The following PKDREJ variants were observed in gnomAD, a reference collection of about 807,000 sequenced individuals.
PKDREJ encodes polycystin family receptor for egg jelly.
For missense variants in PKDREJ, 2,507 were observed against 2,807.2 expected, an observed-to-expected ratio of 0.89 and a Z score of 2.42; for synonymous variants, 1,031 against 1,095.5, an observed-to-expected ratio of 0.94 and a Z score of 1.16.
Position 46,260,383 on chromosome 22 carries a change from C to G in PKDREJ, c.2940G>C (p.Lys980Asn). The G allele has an allele frequency of 6.2e-7, 1 of 1,614,206 alleles. No homozygotes were observed. Among genetic ancestry groups the G allele is most frequent in the Non-Finnish European group, 8.5e-7 (1 of 1,180,032 alleles). ...CTTGAAAGCTAAACCCACCTGTCGT[C>G]TTCTTCAAGGACCCATCAACCTCGC... is the stretch of plus-strand genomic sequence containing the variant. ...PNSEVDGSLK[K>N]TTGGFSFQVD... The change falls in exon 1 of 1, where the codon AAG (lysine) becomes AAC (asparagine). Residue 980 changes from lysine to asparagine, a missense_variant. Coordinates refer to ENST00000253255, the MANE Select transcript of PKDREJ (RefSeq NM_006071.2). The surrounding 1 kb of genome is among the most constrained non-coding windows in gnomAD (Gnocchi z 4.5).
rs757439950 is a variant in PKDREJ at position 46,258,508 on chromosome 22, G to A, written c.4815C>T (p.Asp1605=). 5 of 1,613,886 alleles carry A rather than the reference G, an allele frequency of 3.1e-6. No individual in the cohort carries two copies. The Admixed American group carries it at 8.3e-5, about 27-fold the overall frequency. The change falls in exon 1 of 1, where the codon GAC becomes GAT. Residue 1605 remains aspartate, a synonymous_variant. Transcript: ENST00000253255. This position sits in a 1 kb window ranked among gnomAD's most constrained non-coding sequence, Gnocchi z 6.1. Reference sequence around the variant, plus strand: ...ATGCAAAGAGCCATTCTATTGACTTGTCATAGCCGTAAGTCAGTCCATAAA... The same window carrying A: ...ATGCAAAGAGCCATTCTATTGACTTATCATAGCCGTAAGTCAGTCCATAAA... ...IVFYGLTYGY[D]KSIEWLFASF...
In PKDREJ at chr22:46,261,165, T is replaced by C. The variant is rs1936692187; in HGVS notation, c.2158A>G (p.Met720Val). 2.5e-6 allele frequency: 4 copies of C among 1,614,188 alleles called. No individual in the cohort carries two copies. The highest frequency in any genetic ancestry group is 3.4e-6 in the Non-Finnish European group (4 of 1,180,020). The change falls in exon 1 of 1, where the codon ATG becomes GTG. Residue 720 changes from methionine to valine, a missense_variant. Met to Val is a conservative substitution (Grantham distance 21, BLOSUM62 1). Coordinates refer to ENST00000253255, the MANE Select transcript of PKDREJ (RefSeq NM_006071.2). The surrounding 1 kb of genome is among the most constrained non-coding windows in gnomAD (Gnocchi z 7.1). Reference protein sequence around the residue: ...LYIVASVLNNMKTELPLRDDR... With the variant: ...LYIVASVLNNVKTELPLRDDR... ...TCTCGGAGAGGTAATTCAGTTTTCA[T>C]GTTATTCAAAACGGAAGCTACTATA...
At position 46,260,370 on chromosome 22, in the gene PKDREJ, A is replaced by C; in HGVS notation, c.2953T>G (p.Phe985Val). ...ACTGTGCTGTCCACTTGAAAGCTAA[A>C]CCCACCTGTCGTCTTCTTCAAGGAC... ...DGSLKKTTGGFSFQVDSTVLR... is the reference protein window; with the variant it reads ...DGSLKKTTGGVSFQVDSTVLR... The change falls in exon 1 of 1, where the codon TTT (phenylalanine) becomes GTT (valine). Residue 985 changes from phenylalanine (F) to valine (V), a missense_variant. By Grantham distance (50) the Phe-to-Val change is conservative (BLOSUM62 -1). Coordinates refer to ENST00000253255, the MANE Select transcript of PKDREJ (RefSeq NM_006071.2). The surrounding 1 kb of genome is among the most constrained non-coding windows in gnomAD (Gnocchi z 4.5). The C allele has an allele frequency of 6.2e-7, 1 of 1,614,152 alleles. No individual in the cohort carries two copies. The highest frequency in any genetic ancestry group is 1.1e-5 in the South Asian group (1 of 91,070).
At position 46,261,680 on chromosome 22, in the gene PKDREJ, G is replaced by A. The variant is rs982733660; in HGVS notation, c.1643C>T (p.Thr548Ile). 1.9e-6 allele frequency: 3 copies of A among 1,613,996 alleles called. No individual in the cohort carries two copies. Among genetic ancestry groups the A allele is most frequent in the Non-Finnish European group, 2.5e-6 (3 of 1,179,990 alleles). Residue 548 changes from threonine to isoleucine, a missense_variant, in exon 1 of 1, where the codon ACC becomes ATC. Thr to Ile is a moderately conservative substitution (Grantham distance 89). Coordinates refer to ENST00000253255, the MANE Select transcript of PKDREJ (RefSeq NM_006071.2). The surrounding 1 kb of genome is among the most constrained non-coding windows in gnomAD (Gnocchi z 7.1). ...SLYLACWSGVTSVFRHSFIIN... is the reference protein window; with the variant it reads ...SLYLACWSGVISVFRHSFIIN... ...AATAAAAGAATGCCTGAAGACCGAGGTCACTCCACTCCAACATGCTAGATA... is the reference window on the plus strand; with the variant it reads ...AATAAAAGAATGCCTGAAGACCGAGATCACTCCACTCCAACATGCTAGATA...
chr22:46,258,025 G>A lies in PKDREJ; in HGVS notation c.5298C>T (p.Ser1766=), dbSNP rs1276062460. Residue 1766 remains serine (S), a synonymous_variant, in exon 1 of 1, where the codon AGC becomes AGT. Coordinates refer to ENST00000253255, the MANE Select transcript of PKDREJ (RefSeq NM_006071.2). The surrounding 1 kb of genome is among the most constrained non-coding windows in gnomAD (Gnocchi z 6.1). ...KLEDIYRWLN[S]VLLPLLHNDL... ...CATTGTGTAACAAAGGCAACAGCAC[G>A]CTGTTTAGCCATCTATAGATGTCTT... is the stretch of plus-strand genomic sequence containing the variant. The A allele has an allele frequency of 3.1e-6, 5 of 1,613,964 alleles. No individual in the cohort carries two copies. The highest frequency in any genetic ancestry group is 2.2e-5 in the East Asian group (1 of 44,888).
In PKDREJ at chr22:46,261,585, A is replaced by C. The variant is rs1283044598; in HGVS notation, c.1738T>G (p.Phe580Val). The stretch of plus-strand genomic sequence containing the variant: ...CTAAAATTACTACACTGGACAACAA[A>C]TTTAGTAATAAGTGCAATTCCTTTA... ...PAKGIALITK[F>V]VVQCSNFRDK... The change falls in exon 1 of 1, where the codon TTT (phenylalanine) becomes GTT (valine). Residue 580 changes from phenylalanine (F) to valine (V), a missense_variant. Physicochemically the swap from Phe to Val is conservative, Grantham distance 50. Transcript: ENST00000253255. The surrounding 1 kb of genome is among the most constrained non-coding windows in gnomAD (Gnocchi z 7.1). 6.2e-7 allele frequency: 1 copy of C among 1,613,742 alleles called. No individual in the cohort carries two copies. Among genetic ancestry groups the C allele is most frequent in the Non-Finnish European group, 8.5e-7 (1 of 1,179,658 alleles).
chr22:46,260,828 T>C lies in PKDREJ; in HGVS notation c.2495A>G (p.Tyr832Cys), dbSNP rs1391182894. The C allele has an allele frequency of 6.2e-7, 1 of 1,614,122 alleles. No homozygotes were observed. Among genetic ancestry groups the C allele is most frequent in the East Asian group, 2.2e-5 (1 of 44,886 alleles). ...SPHQVVKDPF[Y>C]VIESLSDTIL... Reference sequence around the variant, plus strand: ...TGTGTCTGATAGAGATTCTATTACATAGAAAGGATCTTTAACTACTTGGTG... The same window carrying C: ...TGTGTCTGATAGAGATTCTATTACACAGAAAGGATCTTTAACTACTTGGTG... The change falls in exon 1 of 1, where the codon TAT becomes TGT. Residue 832 changes from tyrosine to cysteine, a missense_variant. Coordinates refer to ENST00000253255, the MANE Select transcript of PKDREJ (RefSeq NM_006071.2). This position sits in a 1 kb window ranked among gnomAD's most constrained non-coding sequence, Gnocchi z 4.5.
Position 46,263,182 on chromosome 22 carries a change from G to T in PKDREJ, c.141C>A (p.Gly47=), listed in dbSNP as rs1279027904. ...GGGCGCGGCCGCCGCGCACCCCGAG[G>T]CCCGGGGCGCCCCTGAGGAGGCCAC... ...APGGLLRGAP[G]LGVRGGRALL... Residue 47 remains glycine (G), a synonymous_variant, in exon 1 of 1, where the codon GGC becomes GGA. Transcript: ENST00000253255. The surrounding 1 kb of genome is among the most constrained non-coding windows in gnomAD (Gnocchi z 9.4). The T allele has an allele frequency of 2.3e-6, 3 of 1,299,086 alleles. No individual in the cohort carries two copies. In the Admixed American group the frequency reaches 1.3e-4, roughly 56 times the overall value. 80.5% of individuals were successfully genotyped at this position (1,299,086 alleles called of 1,614,324 possible). A position where few individuals can be genotyped will look rare whatever the true frequency, so the allele number is the denominator to read the frequency against.
rs536419484 is a variant in PKDREJ at position 46,259,320 on chromosome 22, C to A, written c.4003G>T (p.Val1335Phe). Reference sequence around the variant, plus strand: ...AATGTTCTGTCCAAAGTGGTATCAACAGAAAGCCATTTCTGGCATATGAAC... The same window carrying A: ...AATGTTCTGTCCAAAGTGGTATCAAAAGAAAGCCATTTCTGGCATATGAAC... The part of the protein sequence containing the change: ...WLFICQKWLS[V>F]DTTLDRTFHV... Residue 1335 changes from valine to phenylalanine, a missense_variant, in exon 1 of 1, where the codon GTT becomes TTT. Transcript: ENST00000253255. This position sits in a 1 kb window ranked among gnomAD's most constrained non-coding sequence, Gnocchi z 6.8. The A allele has an allele frequency of 2.5e-6, 4 of 1,614,210 alleles. No individual in the cohort carries two copies. In the African/African-American group the frequency reaches 5.3e-5, roughly 22 times the overall value.
chr22:46,258,634 C>A lies in PKDREJ; in HGVS notation c.4689G>T (p.Gln1563His). 1 of 1,614,184 alleles carries A rather than the reference C, an allele frequency of 6.2e-7. No individual in the cohort carries two copies. Among genetic ancestry groups the A allele is most frequent in the Non-Finnish European group, 8.5e-7 (1 of 1,180,042 alleles). ...EQHPSQKDLQ[Q>H]LKKKPRIVLP... ...GGACGATCCGGGGCTTTTTCTTAAGCTGCTGGAGATCCTTTTGGGAAGGGT... is the reference window on the plus strand; with the variant it reads ...GGACGATCCGGGGCTTTTTCTTAAGATGCTGGAGATCCTTTTGGGAAGGGT... The change falls in exon 1 of 1, where the codon CAG becomes CAT. Residue 1563 changes from glutamine (Q) to histidine (H), a missense_variant. By Grantham distance (24) the Gln-to-His change is conservative (BLOSUM62 0). Transcript: ENST00000253255. The surrounding 1 kb of genome is among the most constrained non-coding windows in gnomAD (Gnocchi z 6.1).
rs764067686 is a variant in PKDREJ, at chr22:46,257,895, C to T, written c.5428G>A (p.Glu1810Lys). The change falls in exon 1 of 1, where the codon GAA becomes AAA. Residue 1810 changes from glutamate (E) to lysine (K), a missense_variant. Physicochemically the swap from Glu to Lys is moderately conservative, Grantham distance 56 (BLOSUM62 1). Coordinates refer to ENST00000253255, the MANE Select transcript of PKDREJ (RefSeq NM_006071.2). This position sits in a 1 kb window ranked among gnomAD's most constrained non-coding sequence, Gnocchi z 4.7. ...CTGATGCTGTTTTGCACAAACTTTT[C>T]GGCAGGTAGACACATTTTTTCACTA... ...KSSEKMCLPA[E>K]KFVQNSIRRE... 131 of 1,613,936 alleles carry T rather than the reference C, an allele frequency of 8.1e-5. No homozygotes were observed. Among genetic ancestry groups the T allele is most frequent in the South Asian group, 1.4e-4 (13 of 91,054 alleles).
Position 46,257,638 on chromosome 22 carries a change from T to C in PKDREJ, c.5685A>G (p.Thr1895=), listed in dbSNP as rs374148677. 4.3e-6 allele frequency: 7 copies of C among 1,614,146 alleles called. No individual in the cohort carries two copies. The Admixed American group carries it at 1.2e-4, about 27-fold the overall frequency. Residue 1895 remains threonine (T), a synonymous_variant, in exon 1 of 1, where the codon ACA becomes ACG. Coordinates refer to ENST00000253255, the MANE Select transcript of PKDREJ (RefSeq NM_006071.2). The surrounding 1 kb of genome is among the most constrained non-coding windows in gnomAD (Gnocchi z 4.7). The stretch of plus-strand genomic sequence containing the variant: ...TTTCTTGAAGTTCTTTGAGCCTCAG[T>C]GTGGAATTAAACCGCTGCTGTTCTG... ...FFPEQQRFNS[T]LRLKELQESN...
Position 46,257,511 on chromosome 22 carries a change from A to G in PKDREJ, c.5812T>C (p.Ser1938Pro), listed in dbSNP as rs369636160. 46 of 1,614,022 alleles carry G rather than the reference A, an allele frequency of 2.9e-5. No individual in the cohort carries two copies. The highest frequency in any genetic ancestry group is 1.3e-4 in the Admixed American group (8 of 60,000). The change falls in exon 1 of 1, where the codon TCT (serine) becomes CCT (proline). Residue 1938 changes from serine (S) to proline (P), a missense_variant. Physicochemically the swap from Ser to Pro is moderately conservative, Grantham distance 74 (BLOSUM62 -1). Transcript: ENST00000253255. This position sits in a 1 kb window ranked among gnomAD's most constrained non-coding sequence, Gnocchi z 4.7. Reference protein sequence around the residue: ...FCSISVIFEVSQLGVVNTSIS... With the variant: ...FCSISVIFEVPQLGVVNTSIS... ...CTTGTGTTGACAACTCCTAACTGAG[A>G]GACTTCAAATATGACCGAAATGCTA...
In PKDREJ at chr22:46,261,688, A is replaced by C; in HGVS notation, c.1635T>G (p.Ser545Arg). Reference sequence around the variant, plus strand: ...AATGCCTGAAGACCGAGGTCACTCCACTCCAACATGCTAGATACAGAGAAA... The same window carrying C: ...AATGCCTGAAGACCGAGGTCACTCCCCTCCAACATGCTAGATACAGAGAAA... ...FSISLYLACW[S>R]GVTSVFRHSF... Residue 545 changes from serine to arginine, a missense_variant, in exon 1 of 1, where the codon AGT (serine) becomes AGG (arginine). Physicochemically the swap from Ser to Arg is moderately radical, Grantham distance 110. Transcript: ENST00000253255. The surrounding 1 kb of genome is among the most constrained non-coding windows in gnomAD (Gnocchi z 7.1). 3 of 1,614,020 alleles carry C rather than the reference A, an allele frequency of 1.9e-6. No individual in the cohort carries two copies. The highest frequency in any genetic ancestry group is 2.5e-6 in the Non-Finnish European group (3 of 1,180,002).
chr22:46,257,999 T>G lies in PKDREJ; in HGVS notation c.5324A>C (p.Asp1775Ala). Residue 1775 changes from aspartate (D) to alanine (A), a missense_variant, in exon 1 of 1, where the codon GAC becomes GCC. Physicochemically the swap from Asp to Ala is moderately radical, Grantham distance 126. Coordinates refer to ENST00000253255, the MANE Select transcript of PKDREJ (RefSeq NM_006071.2). This position sits in a 1 kb window ranked among gnomAD's most constrained non-coding sequence, Gnocchi z 4.7. ...NSVLLPLLHN[D>A]LNPTFLPESS... ...TTCAGGAAGAAATGTTGGATTCAGG[T>G]CATTGTGTAACAAAGGCAACAGCAC... The G allele has an allele frequency of 1.2e-6, 2 of 1,614,114 alleles. No homozygotes were observed. Among genetic ancestry groups the G allele is most frequent in the Non-Finnish European group, 1.7e-6 (2 of 1,180,022 alleles).
chr22:46,261,644 C>T lies in PKDREJ; in HGVS notation c.1679G>A (p.Gly560Asp), dbSNP rs530471783. The T allele has an allele frequency of 1.8e-5, 29 of 1,613,772 alleles. No individual in the cohort carries two copies. In the South Asian group the frequency reaches 3.1e-4, roughly 17 times the overall value. The change falls in exon 1 of 1, where the codon GGC becomes GAC. Residue 560 changes from glycine (G) to aspartate (D), a missense_variant. Transcript: ENST00000253255. The surrounding 1 kb of genome is among the most constrained non-coding windows in gnomAD (Gnocchi z 7.1). ...AATTTTGCATTCTCCGATCTGAGGGCCATGGTTAATAATAAAAGAATGCCT... is the reference window on the plus strand; with the variant it reads ...AATTTTGCATTCTCCGATCTGAGGGTCATGGTTAATAATAAAAGAATGCCT... ...VFRHSFIINH[G>D]PQIGECKINP...
In PKDREJ at chr22:46,261,871, A is replaced by G. The variant is rs201797191; in HGVS notation, c.1452T>C (p.Asn484=). The stretch of plus-strand genomic sequence containing the variant: ...ATTTATAGAAATCACGGCTTGCACA[A>G]TTTGTGCAATTTAGGAACAAAGAAA... ...DRFSLFLNCT[N]CASRDFYKWS... is the part of the protein sequence containing the mutation. Residue 484 remains asparagine (N), a synonymous_variant, in exon 1 of 1, where the codon AAT becomes AAC. Transcript: ENST00000253255. The surrounding 1 kb of genome is among the most constrained non-coding windows in gnomAD (Gnocchi z 7.1). The G allele has an allele frequency of 5.8e-5, 94 of 1,613,902 alleles. No individual in the cohort carries two copies. Among genetic ancestry groups the G allele is most frequent in the South Asian group, 1.6e-4 (15 of 90,988 alleles).
rs1210861292 is a variant in PKDREJ at position 46,261,592 on chromosome 22, A to G, written c.1731T>C (p.Ile577=). 1 of 1,613,762 alleles carries G rather than the reference A, an allele frequency of 6.2e-7. No individual in the cohort carries two copies. The highest frequency in any genetic ancestry group is 1.7e-5 in the Admixed American group (1 of 60,024). Residue 577 remains isoleucine (I), a synonymous_variant, in exon 1 of 1, where the codon ATT becomes ATC. Transcript: ENST00000253255. The surrounding 1 kb of genome is among the most constrained non-coding windows in gnomAD (Gnocchi z 7.1). ...KINPAKGIAL[I]TKFVVQCSNF... ...TACTACACTGGACAACAAATTTAGT[A>G]ATAAGTGCAATTCCTTTAGCTGGAT...
rs6008357 is a variant in PKDREJ, at chr22:46,256,207, T to G, written c.*354A>C. 0.22 allele frequency: 48,660 copies of G among 224,978 alleles called. 9,039 individuals carry two copies. Among genetic ancestry groups the G allele is most frequent in the African/African-American group, 0.57 (24,758 of 43,058 alleles). The allele number at this position is 224,978 out of a possible 1,614,324, so 13.9% of individuals were successfully genotyped here. ...CAATGCTCCACCCTGGCCAGGTCCC[T>G]CTCTCAAATCTGGTTCTCAAAACCA... On this transcript the variant is annotated 3_prime_UTR_variant, in exon 1 of 1. Coordinates refer to ENST00000253255, the MANE Select transcript of PKDREJ (RefSeq NM_006071.2). The surrounding 1 kb of genome is among the most constrained non-coding windows in gnomAD (Gnocchi z 5.3).
Sources: allele counts gnomAD v4.1 joint callset, GRCh38; gene constraint gnomAD v4.1.1; non-coding constraint Gnocchi (gnomAD v3.1); transcripts MANE v1.5; gene names NCBI Gene and HGNC (gene_info 2026-07-23, HGNC 2026-07-21).